EGFR: variants seen among roughly 807,000 people sequenced by gnomAD.
EGFR encodes the protein avian erythroblastic leukemia viral (v-erb-b) oncogene homolog.
Under a neutral mutation model 143.0 loss-of-function variants are expected in EGFR, and 58 were observed. The observed-to-expected ratio is 0.41, with a 90% CI of 0.33 to 0.50. The LOEUF (loss-of-function observed/expected upper bound fraction) is 0.50, where lower values mean the gene tolerates loss of function less well. EGFR is among the 20% of genes least tolerant of loss of function. The pLI, the probability that EGFR is intolerant of heterozygous loss-of-function variation, is 0.39. For synonymous variants in EGFR, 613 were observed against 594.4 expected, an observed-to-expected ratio of 1.03 and a Z score of -0.45; for missense variants, 1,307 against 1,579.0, an observed-to-expected ratio of 0.83 and a Z score of 2.92.
intron 1 of EGFR, among the ~76,000 whole-genome samples, chr7:55,104,417 G>A (rs190844314): frequency 4.9e-4 from 75 of 152,314 alleles, no homozygotes; most frequent in African/African-American, 1.7e-3. Context: ...TTCTGAGACA[G>A]GCCGGGTTTC....
At chr7:55,154,193 C>G in intron 7 of EGFR, 41 bp downstream of exon 7, 2 of 1,614,040 alleles carry the variant, frequency 1.2e-6, no homozygotes, top group Non-Finnish European at 1.7e-6. Flanking sequence ...GTCAGGCATC[C>G]TTGTCCCGCT....
At chr7:55,170,236 A>G in intron 15 of EGFR, 2 of 1,612,588 alleles carry the variant, frequency 1.2e-6, no homozygotes, top group South Asian at 1.1e-5. Flanking sequence ...TGTTAGGATC[A>G]GATTATAGTG....
intron 1 of EGFR, among the ~76,000 whole-genome samples, chr7:55,106,822 A>G (rs1792161471): frequency 6.6e-6 from 1 of 152,194 alleles, no homozygotes; most frequent in Non-Finnish European, 1.5e-5. Context: ...TGTACATTTT[A>G]AAGTCGGTTT....
At chr7:55,199,468 G>C (rs1787756073) in intron 23 of EGFR, among the ~76,000 whole-genome samples, 1 of 152,230 alleles carries the variant, frequency 6.6e-6, no homozygotes, top group South Asian at 2.1e-4. Flanking sequence ...ACAGAGCCAA[G>C]TTAATGTAAA....
chr7:55,161,915 A>G (rs41462945), intron 13 of EGFR, among the ~76,000 whole-genome samples: 5 of 152,244 alleles, frequency 3.3e-5, no homozygotes, highest in African/African-American at 1.2e-4. Context: ...CTAAGCTACA[A>G]AAAGTTCCTA....
At chr7:55,028,100 T>G (rs573190941) in intron 1 of EGFR, among the ~76,000 whole-genome samples, 2 of 150,576 alleles carry the variant, frequency 1.3e-5, no homozygotes, top group African/African-American at 2.4e-5. Flanking sequence ...ATGAAGGATT[T>G]TATTTTATAA....
At chr7:55,177,433 G>A (rs1786648397) in intron 19 of EGFR, among the ~76,000 whole-genome samples, 1 of 152,168 alleles carries the variant, frequency 6.6e-6, no homozygotes, top group African/African-American at 2.4e-5. Context: ...CCATACTCAC[G>A]TTCCCCTGCA....
At chr7:55,075,229 A>G (rs1583976148) in intron 1 of EGFR, among the ~76,000 whole-genome samples, 1 of 151,908 alleles carries the variant, frequency 6.6e-6, no homozygotes, top group Non-Finnish European at 1.5e-5. Context: ...AATTCCACCA[A>G]CCAGAGGATA....
intron 1 of EGFR, among the ~76,000 whole-genome samples, chr7:55,084,904 C>A (rs1186997072): frequency 6.6e-6 from 1 of 152,158 alleles, no homozygotes; most frequent in African/African-American, 2.4e-5. Context: ...TGTCCAGGTT[C>A]TCGGTAGCAG....
intron 20 of EGFR, among the ~76,000 whole-genome samples, chr7:55,184,193 C>A (rs533837026): frequency 6.6e-6 from 1 of 152,216 alleles, no homozygotes; most frequent in African/African-American, 2.4e-5. Flanking sequence ...CCCTTCGCAT[C>A]GCCCACCACA....
At chr7:55,122,749 G>A (rs542640098) in intron 1 of EGFR, among the ~76,000 whole-genome samples, 8 of 152,310 alleles carry the variant, frequency 5.3e-5, no homozygotes, top group African/African-American at 1.9e-4. Flanking sequence ...TCAGTCTGAT[G>A]AGGTGTCCCT....
chr7:55,176,816 T>TGATATATATTTAGAGA (rs11276204), intron 19 of EGFR, among the ~76,000 whole-genome samples: 3 of 144,684 alleles, frequency 2.1e-5, no homozygotes, highest in African/African-American at 5.0e-5. Flanking sequence ...TAAATATATA[T>TGATATATATTTAGAGA]GATATATATT....
At chr7:55,102,240 C>A (rs1449276328) in intron 1 of EGFR, among the ~76,000 whole-genome samples, 9 of 152,152 alleles carry the variant, frequency 5.9e-5, no homozygotes, top group Admixed American at 5.9e-4. Context: ...TCCCACCTGC[C>A]CCTCAAGATT....
intron 6 of EGFR, 108 bp downstream of exon 6, chr7:55,152,772 C>T (rs1785225241): frequency 1.1e-6 from 1 of 897,326 alleles, no homozygotes; most frequent in Non-Finnish European, 1.8e-6. Context: ...TAGCATTTGT[C>T]ATAACAGACA....
rs1174543899 is a variant in EGFR at position 55,111,362 on chromosome 7, A to G, written c.89-30924A>G. Among the ~76,000 whole-genome samples the G allele has an allele frequency of 2.1e-5, 3 of 142,250 alleles. No homozygotes were observed. The East Asian group carries it at 5.9e-4, about 28-fold the overall frequency. 93.3% of individuals were successfully genotyped at this position (142,250 alleles called of 152,430 possible). Reference sequence around the variant, plus strand: ...AGGCAGGTTTCATCTCGCTTGCTAGACGTTTTGTTTTTTTTTTTTTCTAAA... The same window carrying G: ...AGGCAGGTTTCATCTCGCTTGCTAGGCGTTTTGTTTTTTTTTTTTTCTAAA... On this transcript the variant is annotated intron_variant, in intron 1 of 27. Coordinates refer to ENST00000275493, the MANE Select transcript of EGFR (RefSeq NM_005228.5).
chr7:55,020,442 G>A (rs1023031838), intron 1 of EGFR, among the ~76,000 whole-genome samples: 3 of 152,200 alleles, frequency 2.0e-5, no homozygotes, highest in African/African-American at 7.2e-5. Flanking sequence ...CCAACACCAT[G>A]GTGTTTCAAA....
intron 15 of EGFR, among the ~76,000 whole-genome samples, chr7:55,167,240 T>G (rs1043139911): frequency 4.7e-5 from 5 of 107,000 alleles, no homozygotes; most frequent in African/African-American, 8.0e-5. Context: ...GGTGAGGAGG[T>G]GGGAGTCACA....
intron 18 of EGFR, 133 bp downstream of exon 18, chr7:55,174,176 C>T: frequency 7.6e-7 from 1 of 1,323,526 alleles, no homozygotes; most frequent in Non-Finnish European, 1.0e-6. Flanking sequence ...GTTTGGGAAA[C>T]TCCAGTGTTT....
In EGFR at chr7:55,067,998, GTGTC is replaced by G. The variant is rs557675000; in HGVS notation, c.88+48637_88+48640del. 6.7e-4 allele frequency among the ~76,000 whole-genome samples: 101 copies of G among 151,190 alleles called. 5 individuals are homozygous for G. Among genetic ancestry groups the G allele is most frequent in the African/African-American group, 2.2e-3 (90 of 40,588 alleles). The stretch of plus-strand genomic sequence containing the variant: ...CGTGTGTGTGCATGTGTGTATATGT[GTGTC>G]TGTGGGCACAGGTGTGCCTGTGTGT... On this transcript the variant is annotated intron_variant, in intron 1 of 27. Transcript: ENST00000275493.
Sources: allele counts gnomAD v4.1 joint callset (sites outside exome capture counted in the v4.1 genomes callset), GRCh38; gene constraint gnomAD v4.1.1; transcripts MANE v1.5; gene names NCBI Gene and HGNC (gene_info 2026-07-23, HGNC 2026-07-21).